Variants in SGCZ observed in about 807,000 individuals in gnomAD.
SGCZ encodes sarcoglycan zeta.
A neutral mutation model predicts 41.3 loss-of-function variants in SGCZ; 40 were observed. That is an observed-to-expected ratio of 0.97 (90% CI 0.75 to 1.26). SGCZ has a LOEUF of 1.26. SGCZ is among the 50% of genes most tolerant of loss of function. SGCZ has a pLI of 0.00. For synonymous variants in SGCZ, 206 were observed against 137.5 expected, an observed-to-expected ratio of 1.50 and a Z score of -3.49; for missense variants, 552 against 369.8, an observed-to-expected ratio of 1.49 and a Z score of -4.04.
At chr8:14,696,332 C>T (rs541079086) in intron 1 of SGCZ, among the ~76,000 whole-genome samples, 10 of 151,994 alleles carry the variant, frequency 6.6e-5, no homozygotes, top group Non-Finnish European at 8.8e-5. Context: ...TTACACTGAA[C>T]GCAAAGATTC....
intron 1 of SGCZ, among the ~76,000 whole-genome samples, chr8:14,598,822 C>G (rs1805497321): frequency 6.6e-6 from 1 of 152,046 alleles, no homozygotes; most frequent in Admixed American, 6.5e-5. Flanking sequence ...AGGCAGTGTA[C>G]CAGCCAAAAA....
intron 1 of SGCZ, among the ~76,000 whole-genome samples, chr8:14,666,080 C>G (rs1031405052): frequency 1.3e-5 from 2 of 152,168 alleles, no homozygotes; most frequent in African/African-American, 4.8e-5. Flanking sequence ...ATTTGCCCTT[C>G]TCAGATTTTA....
rs144409111 is a variant in SGCZ, at chr8:15,001,450, C to T, written c.39+236135G>A. Among the ~76,000 whole-genome samples, 4 of 152,204 alleles carry T rather than the reference C, an allele frequency of 2.6e-5. No individual in the cohort carries two copies. In the East Asian group the frequency reaches 7.8e-4, roughly 29 times the overall value. On this transcript the variant is annotated intron_variant, in intron 1 of 7. Transcript: ENST00000382080. ...GGTGAATTAAAGAGTGGAGGGTAGG[C>T]CGGGCATGGTGGCTCACGCCCGCAA... is the stretch of plus-strand genomic sequence containing the variant.
intron 1 of SGCZ, among the ~76,000 whole-genome samples, chr8:15,175,952 G>C (rs1248531795): frequency 6.6e-6 from 1 of 152,086 alleles, no homozygotes; most frequent in Non-Finnish European, 1.5e-5. Context: ...AAATGGAAAC[G>C]TTGTTTGCAG....
Position 14,496,160 on chromosome 8 carries a change from G to A in SGCZ, c.234+58572C>T, listed in dbSNP as rs142673681. ...GGCTCACTGCAGCCTCAAACTCTTG[G>A]CCTCAGGCAATCCTCCTGCCTCAGC... On this transcript the variant is annotated intron_variant, in intron 2 of 7. Coordinates refer to ENST00000382080, the MANE Select transcript of SGCZ (RefSeq NM_139167.4). 6.6e-4 allele frequency among the ~76,000 whole-genome samples: 100 copies of A among 151,442 alleles called. No homozygotes were observed. In the East Asian group the frequency reaches 0.018, roughly 27 times the overall value.
chr8:14,399,820 G>C (rs139289438), intron 2 of SGCZ, among the ~76,000 whole-genome samples: 1 of 151,986 alleles, frequency 6.6e-6, no homozygotes, highest in Non-Finnish European at 1.5e-5. Context: ...TCTACAATTT[G>C]ATTTTTAACA....
chr8:14,870,542 T>C (rs574251499), intron 1 of SGCZ, among the ~76,000 whole-genome samples: 1 of 152,088 alleles, frequency 6.6e-6, no homozygotes, highest in Non-Finnish European at 1.5e-5. Context: ...ACTTCATGAC[T>C]GAAACACCAA....
At chr8:15,099,227 A>C (rs1484155106) in intron 1 of SGCZ, among the ~76,000 whole-genome samples, 1 of 152,212 alleles carries the variant, frequency 6.6e-6, no homozygotes, top group Non-Finnish European at 1.5e-5. Context: ...TGTCTTCAAT[A>C]ATAAGACATT....
At chr8:15,001,781 T>C (rs190533093) in intron 1 of SGCZ, among the ~76,000 whole-genome samples, 1 of 149,528 alleles carries the variant, frequency 6.7e-6, no homozygotes, top group African/African-American at 2.5e-5. Flanking sequence ...GTAATAATGA[T>C]TAATATTTAT....
chr8:14,437,294 T>C (rs1172216170), intron 2 of SGCZ, among the ~76,000 whole-genome samples: 1 of 152,134 alleles, frequency 6.6e-6, no homozygotes, highest in African/African-American at 2.4e-5. Flanking sequence ...TATACCACAT[T>C]GAAAGAAAAC....
intron 3 of SGCZ, among the ~76,000 whole-genome samples, chr8:14,245,606 A>T (rs565111910): frequency 2.6e-5 from 4 of 152,168 alleles, no homozygotes; most frequent in Non-Finnish European, 5.9e-5. Flanking sequence ...GGATCTAATT[A>T]AACTAAAGAG....
chr8:15,108,156 G>A (rs1289130159), intron 1 of SGCZ, among the ~76,000 whole-genome samples: 1 of 151,840 alleles, frequency 6.6e-6, no homozygotes, highest in African/African-American at 2.4e-5. Flanking sequence ...TATTCCTTCT[G>A]TTTTCCATGC....
At chr8:14,389,699 T>C (rs1804696575) in intron 2 of SGCZ, among the ~76,000 whole-genome samples, 1 of 151,932 alleles carries the variant, frequency 6.6e-6, no homozygotes, top group Non-Finnish European at 1.5e-5. Flanking sequence ...CAAGAAGTGT[T>C]AAGCGGCAAG....
intron 1 of SGCZ, among the ~76,000 whole-genome samples, chr8:14,976,001 C>CATATATATATATATATATACACATAT (rs145427292): frequency 3.6e-5 from 5 of 140,174 alleles, no homozygotes; most frequent in African/African-American, 1.1e-4. Context: ...TATATATATA[C>CATATATATATATATATATACACATAT]ATATATATAT....
chr8:15,199,231 T>C (rs982348923), intron 1 of SGCZ, among the ~76,000 whole-genome samples: 2 of 152,224 alleles, frequency 1.3e-5, no homozygotes, highest in African/African-American at 4.8e-5. Flanking sequence ...ATTTCTTGAA[T>C]GACTGCCATG....
At chr8:14,991,640 T>C (rs535342837) in intron 1 of SGCZ, among the ~76,000 whole-genome samples, 1 of 152,236 alleles carries the variant, frequency 6.6e-6, no homozygotes, top group South Asian at 2.1e-4. Flanking sequence ...GAATTCCTTG[T>C]GTTAGTGCAA....
intron 1 of SGCZ, among the ~76,000 whole-genome samples, chr8:14,577,379 TA>T (rs1364079298): frequency 6.8e-6 from 1 of 146,490 alleles, no homozygotes; most frequent in Non-Finnish European, 1.5e-5. Context: ...AGAAAAGAAA[TA>T]TATCTTTTTT....
At chr8:14,717,272 C>T (rs1020945414) in intron 1 of SGCZ, among the ~76,000 whole-genome samples, 14 of 151,978 alleles carry the variant, frequency 9.2e-5, no homozygotes, top group South Asian at 2.1e-4. Context: ...AGAGTGAAAA[C>T]AACTTGTAGG....
intron 1 of SGCZ, among the ~76,000 whole-genome samples, chr8:14,640,619 C>T (rs200262853): frequency 3.6e-5 from 5 of 138,292 alleles, no homozygotes; most frequent in Non-Finnish European, 7.7e-5. Flanking sequence ...TATATATATA[C>T]ACACATATAT....
Sources: allele counts gnomAD v4.1 joint callset (sites outside exome capture counted in the v4.1 genomes callset), GRCh38; gene constraint gnomAD v4.1.1; transcripts MANE v1.5; gene names NCBI Gene and HGNC (gene_info 2026-07-23, HGNC 2026-07-21).